AGBL1: variants seen among roughly 807,000 people sequenced by gnomAD.
AGBL1 encodes the protein AGBL carboxypeptidase 1.
AGBL1 carries 130 observed loss-of-function variants against 118.9 expected under a neutral mutation model. The observed-to-expected ratio is 1.09, with a 90% CI of 0.95 to 1.26. The LOEUF (loss-of-function observed/expected upper bound fraction) is 1.26, where lower values mean the gene tolerates loss of function less well. Among genes scored for constraint, AGBL1 ranks in the 50% most tolerant of loss-of-function variants. The pLI is 0.00. For synonymous variants in AGBL1, 555 were observed against 478.9 expected (o/e 1.16, Z -2.08); for missense variants, 1,584 against 1,298.1 (o/e 1.22, Z -3.38).
At position 86,234,741 on chromosome 15, in the gene AGBL1, T is replaced by C. The variant is rs2078511902; in HGVS notation, c.526+9790T>C. On this transcript the variant is annotated intron_variant, in intron 6 of 22. Coordinates refer to ENST00000614907, the MANE Select transcript of AGBL1 (RefSeq NM_001386094.1). ...AACAGTACACTCCAAAGATAATTGG[T>C]AAGATTTAAACAAGGTGATGTTTAA... Among the ~76,000 whole-genome samples the C allele has an allele frequency of 2.0e-5, 3 of 152,166 alleles. No homozygotes were observed. The East Asian group carries it at 5.8e-4, about 29-fold the overall frequency.
intron 23 of AGBL1, among the ~76,000 whole-genome samples, chr15:86,966,749 A>G (rs2081057780): frequency 6.6e-6 from 1 of 151,950 alleles, no homozygotes; most frequent in Non-Finnish European, 1.5e-5. Flanking sequence ...GCTTGGTTCC[A>G]AGTCTTTGCT....
At position 86,755,820 on chromosome 15, in the gene AGBL1, G is replaced by A. The variant is rs1352580805; in HGVS notation, c.3158+81384G>A. On this transcript the variant is annotated intron_variant, in intron 22 of 22. Coordinates refer to ENST00000614907, the MANE Select transcript of AGBL1 (RefSeq NM_001386094.1). ...GTTACCTGACTTCTCTCTAGCACAG[G>A]ACATCTTGCTTCACCCTTAAGAAGG... Among the ~76,000 whole-genome samples, 3 of 152,238 alleles carry A rather than the reference G, an allele frequency of 2.0e-5. No homozygotes were observed. The East Asian group carries it at 5.8e-4, about 30-fold the overall frequency.
chr15:86,811,548 T>A (rs1349486156), intron 22 of AGBL1, among the ~76,000 whole-genome samples: 1 of 152,198 alleles, frequency 6.6e-6, no homozygotes, highest in Non-Finnish European at 1.5e-5. Flanking sequence ...TGGCCCTGTG[T>A]AAAGAGCTCT....
chr15:86,327,985 C>T (rs2080210206), intron 17 of AGBL1, among the ~76,000 whole-genome samples: 1 of 152,126 alleles, frequency 6.6e-6, no homozygotes, highest in Non-Finnish European at 1.5e-5. Flanking sequence ...GACCCCATAC[C>T]TATATGAGCA....
At chr15:86,310,403 G>A (rs569915985) in intron 17 of AGBL1, among the ~76,000 whole-genome samples, 1 of 152,006 alleles carries the variant, frequency 6.6e-6, no homozygotes, top group South Asian at 2.1e-4. Flanking sequence ...ATTCTTGGTG[G>A]GCGTTTGGCA....
At chr15:86,469,758 T>C (rs2082455037) in intron 18 of AGBL1, among the ~76,000 whole-genome samples, 1 of 152,170 alleles carries the variant, frequency 6.6e-6, no homozygotes, top group Non-Finnish European at 1.5e-5. Flanking sequence ...TGTCTTTTTG[T>C]TCAAAACTAT....
intron 3 of AGBL1, 21 bp from the exon 4 acceptor site, chr15:86,154,407 GAT>G: frequency 6.2e-7 from 1 of 1,607,736 alleles, no homozygotes; most frequent in South Asian, 1.1e-5. Flanking sequence ...GTGCAACTAA[GAT>G]AGATTGATTT....
intron 19 of AGBL1, among the ~76,000 whole-genome samples, chr15:86,539,253 C>G (rs185436082): frequency 1.3e-5 from 2 of 152,220 alleles, no homozygotes; most frequent in Non-Finnish European, 2.9e-5. Flanking sequence ...CGGAAAGGCA[C>G]AATCATTGCC....
At position 86,527,535 on chromosome 15, in the gene AGBL1, G is replaced by C. The variant is rs557285392; in HGVS notation, c.2685+4596G>C. On this transcript the variant is annotated intron_variant, in intron 19 of 22. Transcript: ENST00000614907. ...AGTTACCTAGGAGGCTATATTTAAT[G>C]AGTCTCCTGCTGGCAGCAGAAGCGC... Among the ~76,000 whole-genome samples the C allele has an allele frequency of 2.0e-5, 3 of 152,268 alleles. No individual in the cohort carries two copies. The East Asian group carries it at 5.8e-4, about 29-fold the overall frequency.
chr15:86,462,291 G>A (rs1051131773), intron 18 of AGBL1, among the ~76,000 whole-genome samples: 3 of 151,552 alleles, frequency 2.0e-5, no homozygotes, highest in African/African-American at 7.3e-5. Context: ...AAATGATGAC[G>A]TCCTTAGTAG....
intron 24 of AGBL1, among the ~76,000 whole-genome samples, chr15:86,997,710 A>G (rs1312345665): frequency 6.6e-6 from 1 of 152,110 alleles, no homozygotes; most frequent in Non-Finnish European, 1.5e-5. Context: ...TTACACAGAG[A>G]GAGCCATTAA....
chr15:86,092,716 C>G (rs1475133206), intron 1 of AGBL1, among the ~76,000 whole-genome samples: 1 of 152,078 alleles, frequency 6.6e-6, no homozygotes, highest in African/African-American at 2.4e-5. Context: ...GGGCTGGCAT[C>G]TGACCAGGAC....
Position 86,154,482 on chromosome 15 carries a change from G to C in AGBL1, c.315G>C (p.Leu105Phe). 1 of 1,612,964 alleles carries C rather than the reference G, an allele frequency of 6.2e-7. No individual in the cohort carries two copies. The highest frequency in any genetic ancestry group is 8.5e-7 in the Non-Finnish European group (1 of 1,179,522). The change falls in exon 4 of 23, where the codon TTG (leucine) becomes TTC (phenylalanine). Residue 105 changes from leucine to phenylalanine, a missense_variant. Physicochemically the swap from Leu to Phe is conservative, Grantham distance 22. Coordinates refer to ENST00000614907, the MANE Select transcript of AGBL1 (RefSeq NM_001386094.1). Reference sequence around the variant, plus strand: ...AATTGGAAGCACTTGATGTGACATTGATTCTGGCCAGGAAGAACCTATCCC... The same window carrying C: ...AATTGGAAGCACTTGATGTGACATTCATTCTGGCCAGGAAGAACCTATCCC... Reference protein sequence around the residue: ...ALELEALDVTLILARKNLSHG... With the variant: ...ALELEALDVTFILARKNLSHG...
intron 18 of AGBL1, among the ~76,000 whole-genome samples, chr15:86,476,360 G>A (rs2142113098): frequency 6.6e-6 from 1 of 152,228 alleles, no homozygotes; most frequent in South Asian, 2.1e-4. Flanking sequence ...GACACACATA[G>A]GCTCAAAATA....
chr15:86,282,549 A>G (rs994583882), intron 16 of AGBL1, among the ~76,000 whole-genome samples: 2 of 152,164 alleles, frequency 1.3e-5, no homozygotes, highest in Non-Finnish European at 2.9e-5. Context: ...TGTATTCTCA[A>G]TTTTAGGTTT....
At chr15:86,841,310 G>A (rs987983481) in intron 22 of AGBL1, among the ~76,000 whole-genome samples, 26 of 152,170 alleles carry the variant, frequency 1.7e-4, no homozygotes, top group African/African-American at 5.8e-4. Flanking sequence ...AGAAGAGAGA[G>A]GAGATGGAGT....
intron 18 of AGBL1, among the ~76,000 whole-genome samples, chr15:86,461,745 C>T (rs1173152709): frequency 6.6e-6 from 1 of 152,086 alleles, no homozygotes; most frequent in African/African-American, 2.4e-5. Context: ...TCAACATTTC[C>T]TTTCAATTCC....
chr15:86,348,060 A>T (rs1233084641), intron 17 of AGBL1, among the ~76,000 whole-genome samples: 6 of 152,088 alleles, frequency 3.9e-5, no homozygotes, highest in African/African-American at 1.4e-4. Flanking sequence ...ATGCGTTTCC[A>T]ATTCACCCCT....
intron 24 of AGBL1, among the ~76,000 whole-genome samples, chr15:87,008,210 C>T (rs914021887): frequency 3.3e-5 from 5 of 152,192 alleles, no homozygotes; most frequent in African/African-American, 1.2e-4. Flanking sequence ...TCTCTCCCCA[C>T]CCGGATCTCA....
Sources: gnomAD v4.1 joint callset for allele counts (sites outside exome capture counted in the v4.1 genomes callset) on GRCh38, gnomAD v4.1.1 for gene constraint, MANE v1.5 for transcripts, NCBI Gene and HGNC (gene_info 2026-07-23, HGNC 2026-07-21) for gene names.